The following KIF6 variants were observed in gnomAD, a reference collection of about 807,000 sequenced individuals.
The protein encoded by KIF6 is kinesin-like protein KIF6.
KIF6 carries 106 observed loss-of-function variants against 112.7 expected under a neutral mutation model. The observed-to-expected ratio is 0.94, with a 90% confidence interval of 0.80 to 1.11. The LOEUF is 1.11. Among genes scored for constraint, KIF6 ranks in the 50% least tolerant of loss-of-function variants. The probability of loss-of-function intolerance (pLI) is 0.00; values close to 1 mark genes in which losing one functional copy is unlikely to be tolerated. For synonymous variants in KIF6, 339 were observed against 339.9 expected (o/e 1.00, Z 0.03); for missense variants, 929 against 964.0 (o/e 0.96, Z 0.48).
intron 3 of KIF6, among the ~76,000 whole-genome samples, chr6:39,666,759 G>C (rs1332773870): frequency 6.6e-6 from 1 of 152,168 alleles, no homozygotes; most frequent in African/African-American, 2.4e-5. Flanking sequence ...CAATTTGGCA[G>C]GGGAGATTTC....
chr6:39,602,022 A>C (rs1025208002), intron 6 of KIF6, among the ~76,000 whole-genome samples: 2 of 152,122 alleles, frequency 1.3e-5, no homozygotes, highest in African/African-American at 4.8e-5. Context: ...TTATATCCCC[A>C]AGGATATTTT....
At chr6:39,527,632 A>G (rs1413714294) in intron 13 of KIF6, among the ~76,000 whole-genome samples, 1 of 152,196 alleles carries the variant, frequency 6.6e-6, no homozygotes, top group Non-Finnish European at 1.5e-5. Context: ...AGTTAAAAGA[A>G]GTTCCCATCT....
At chr6:39,519,881 G>A in intron 13 of KIF6, among the ~76,000 whole-genome samples, 1 of 152,108 alleles carries the variant, frequency 6.6e-6, no homozygotes, top group East Asian at 1.9e-4. Context: ...AATAAGCCGG[G>A]TGTGGTGGTG....
At chr6:39,675,696 A>G (rs303677) in intron 3 of KIF6, among the ~76,000 whole-genome samples, 130,407 of 151,922 alleles carry the variant, frequency 0.86, 56,416 homozygotes, top group East Asian at 0.97. Context: ...TATAATAGAC[A>G]TGTTTAAAAT....
At chr6:39,435,073 G>A (rs538393456) in intron 13 of KIF6, among the ~76,000 whole-genome samples, 8 of 152,174 alleles carry the variant, frequency 5.3e-5, no homozygotes, top group Non-Finnish European at 1.2e-4. Context: ...ATAAAGGGGT[G>A]AAAAATGCCC....
At chr6:39,683,904 G>T (rs1250429766) in intron 3 of KIF6, among the ~76,000 whole-genome samples, 1 of 151,732 alleles carries the variant, frequency 6.6e-6, no homozygotes, top group African/African-American at 2.4e-5. Context: ...AGGAGGCAGG[G>T]ATAGTAAGGA....
At chr6:39,663,462 C>G (rs997579409) in intron 3 of KIF6, among the ~76,000 whole-genome samples, 1 of 152,048 alleles carries the variant, frequency 6.6e-6, no homozygotes, top group African/African-American at 2.4e-5. Flanking sequence ...GCACATGGGA[C>G]CATGTGCTAC....
At chr6:39,387,494 G>C (rs1018629371) in intron 15 of KIF6, among the ~76,000 whole-genome samples, 1 of 152,176 alleles carries the variant, frequency 6.6e-6, no homozygotes, top group African/African-American at 2.4e-5. Flanking sequence ...ATTATGCATA[G>C]AGAGCGTGGC....
chr6:39,633,878 A>G (rs1214882525), intron 5 of KIF6, among the ~76,000 whole-genome samples: 1 of 152,236 alleles, frequency 6.6e-6, no homozygotes, highest in Non-Finnish European at 1.5e-5. Flanking sequence ...AAAGTGGTCT[A>G]AAACTGTTCT....
intron 15 of KIF6, among the ~76,000 whole-genome samples, chr6:39,392,528 A>T (rs1486878793): frequency 6.6e-6 from 1 of 152,262 alleles, no homozygotes; most frequent in Non-Finnish European, 1.5e-5. Context: ...CATTTTCTTT[A>T]AAAAGAATAA....
intron 13 of KIF6, among the ~76,000 whole-genome samples, chr6:39,482,907 G>A (rs1774885494): frequency 6.6e-6 from 1 of 152,228 alleles, no homozygotes; most frequent in Admixed American, 6.5e-5. Flanking sequence ...GGGCCCTAGA[G>A]AAGGGGAGGG....
intron 13 of KIF6, among the ~76,000 whole-genome samples, chr6:39,518,516 G>A (rs1162420960): frequency 6.6e-6 from 1 of 152,160 alleles, no homozygotes; most frequent in Non-Finnish European, 1.5e-5. Flanking sequence ...TGAGGAAAAC[G>A]ATTGAGCAAC....
chr6:39,572,205 A>C (rs1339111439), intron 10 of KIF6, among the ~76,000 whole-genome samples: 2 of 152,158 alleles, frequency 1.3e-5, no homozygotes, highest in Non-Finnish European at 2.9e-5. Flanking sequence ...TAGAATAAAA[A>C]CTAGAATTAA....
intron 16 of KIF6, among the ~76,000 whole-genome samples, chr6:39,377,130 CA>C (rs1217486416): frequency 6.6e-6 from 1 of 152,062 alleles, no homozygotes; most frequent in African/African-American, 2.4e-5. Context: ...TGCAGTGGCT[CA>C]CAGCAGTCTT....
chr6:39,660,374 G>A (rs1251108062), intron 3 of KIF6, among the ~76,000 whole-genome samples: 1 of 152,160 alleles, frequency 6.6e-6, no homozygotes, highest in Non-Finnish European at 1.5e-5. Context: ...CCTAAGCACA[G>A]AATCTTTCTC....
chr6:39,599,911 G>A (rs992971128), intron 6 of KIF6, among the ~76,000 whole-genome samples: 1 of 152,170 alleles, frequency 6.6e-6, no homozygotes, highest in African/African-American at 2.4e-5. Flanking sequence ...ATATTCTGGA[G>A]TCTGTAATTA....
intron 3 of KIF6, among the ~76,000 whole-genome samples, chr6:39,694,027 T>A (rs1197396525): frequency 1.3e-5 from 2 of 151,678 alleles, no homozygotes; most frequent in African/African-American, 4.8e-5. Flanking sequence ...CACAAATCAA[T>A]AAATGTGATT....
chr6:39,414,931 G>A (rs1357699548), intron 15 of KIF6, among the ~76,000 whole-genome samples: 1 of 150,962 alleles, frequency 6.6e-6, no homozygotes, highest in Non-Finnish European at 1.5e-5. Flanking sequence ...GCTCATGCCT[G>A]TAATCCCAAC....
chr6:39,632,793 T>C (rs1784428211), intron 5 of KIF6, among the ~76,000 whole-genome samples: 1 of 151,978 alleles, frequency 6.6e-6, no homozygotes, highest in African/African-American at 2.4e-5. Context: ...GCTAATTTTT[T>C]GTATTTTTAA....
Sources: allele counts gnomAD v4.1 joint callset (sites outside exome capture counted in the v4.1 genomes callset), GRCh38; gene constraint gnomAD v4.1.1; transcripts MANE v1.5; gene names NCBI Gene and HGNC (gene_info 2026-07-23, HGNC 2026-07-21).